Variants in SH3KBP1 observed in about 807,000 individuals in gnomAD.
SH3KBP1 encodes SH3 domain containing kinase binding protein 1.
SH3KBP1 carries 8 observed loss-of-function variants against 50.1 expected under a neutral mutation model. That is an observed-to-expected ratio of 0.16 (90% CI 0.09 to 0.29). SH3KBP1 has a LOEUF of 0.29. SH3KBP1 is among the 10% of genes least tolerant of loss of function. The probability of loss-of-function intolerance (pLI) is 1.00; values close to 1 mark genes in which losing one functional copy is unlikely to be tolerated. For synonymous variants in SH3KBP1, 227 were observed against 218.6 expected (o/e 1.04, Z -0.34); for missense variants, 377 against 535.2 (o/e 0.70, Z 2.92).
intron 2 of SH3KBP1, among the ~76,000 whole-genome samples, chrX:19,827,091 T>C (rs934877723): frequency 2.7e-5 from 3 of 111,442 alleles, no homozygotes; most frequent in Non-Finnish European, 3.8e-5. Context: ...TAAACAAATA[T>C]CAAAATGGGC....
chrX:19,851,495 A>C (rs1040150712), intron 1 of SH3KBP1, among the ~76,000 whole-genome samples: 2 of 112,401 alleles, frequency 1.8e-5, no homozygotes, highest in African/African-American at 6.5e-5. Flanking sequence ...TAGACCCAGG[A>C]CCGGCCTGAT....
chrX:19,719,152 T>C (rs2063990667), intron 3 of SH3KBP1, among the ~76,000 whole-genome samples: 1 of 111,834 alleles, frequency 8.9e-6, no homozygotes, highest in Non-Finnish European at 1.9e-5. Flanking sequence ...GAGTGTCGGT[T>C]GCTGTCTGTC....
At chrX:19,874,021 C>A (rs1376784191) in intron 1 of SH3KBP1, among the ~76,000 whole-genome samples, 7 of 84,024 alleles carry the variant, frequency 8.3e-5, no homozygotes, top group Admixed American at 1.5e-4. Flanking sequence ...TGCACTCCAG[C>A]CGGGGCAACA....
At chrX:19,559,494 A>T (rs2147755954) in intron 13 of SH3KBP1, among the ~76,000 whole-genome samples, 1 of 105,087 alleles carries the variant, frequency 9.5e-6, no homozygotes, top group East Asian at 3.1e-4. Flanking sequence ...ACCCACCTAA[A>T]AGTTTTTTGT....
chrX:19,730,081 G>T (rs1398567901), intron 3 of SH3KBP1, among the ~76,000 whole-genome samples: 1 of 110,772 alleles, frequency 9.0e-6, no homozygotes, highest in Non-Finnish European at 1.9e-5. Flanking sequence ...AAATTACAAA[G>T]GAAGCTAATT....
At chrX:19,664,894 C>T (rs1036844182) in intron 6 of SH3KBP1, among the ~76,000 whole-genome samples, 3 of 112,331 alleles carry the variant, frequency 2.7e-5, no homozygotes, top group African/African-American at 6.5e-5. Flanking sequence ...TGATTAGACA[C>T]GTAAAATATA....
At chrX:19,684,238 G>C (rs1031648310) in intron 5 of SH3KBP1, among the ~76,000 whole-genome samples, 2 of 111,929 alleles carry the variant, frequency 1.8e-5, no homozygotes, top group Non-Finnish European at 3.8e-5. Flanking sequence ...TTTAAGATGT[G>C]AATCAAAACA....
chrX:19,541,590 T>G (rs1051123128), intron 16 of SH3KBP1, among the ~76,000 whole-genome samples: 7 of 112,254 alleles, frequency 6.2e-5, no homozygotes, highest in African/African-American at 2.3e-4. Context: ...TAAGAAGTGG[T>G]TCATGTACAT....
intron 3 of SH3KBP1, among the ~76,000 whole-genome samples, chrX:19,728,276 G>T (rs1171555014): frequency 9.0e-6 from 1 of 111,164 alleles, no homozygotes; most frequent in African/African-American, 3.3e-5. Context: ...TTCTTTAAAC[G>T]TCACGTCAGC....
chrX:19,589,874 C>T (rs890842441), intron 11 of SH3KBP1, among the ~76,000 whole-genome samples: 2 of 109,166 alleles, frequency 1.8e-5, no homozygotes, highest in Non-Finnish European at 3.8e-5. Context: ...AATCTCAGAG[C>T]TTTGGGAGGG....
At chrX:19,673,065 C>CAAAAAA (rs1174045446) in intron 6 of SH3KBP1, among the ~76,000 whole-genome samples, 1 of 37,326 alleles carries the variant, frequency 2.7e-5, no homozygotes, top group Non-Finnish European at 5.1e-5. Context: ...GATTCTGTCT[C>CAAAAAA]AAAAAAAAAA....
At chrX:19,821,722 G>A (rs982621436) in intron 2 of SH3KBP1, among the ~76,000 whole-genome samples, 1 of 110,332 alleles carries the variant, frequency 9.1e-6, no homozygotes, top group Admixed American at 9.6e-5. Context: ...GTAGAGATGG[G>A]GTTTCACCGT....
Position 19,595,270 on chromosome X carries a change from G to A in SH3KBP1, c.1006-270C>T, listed in dbSNP as rs543307243. Reference sequence around the variant, plus strand: ...TTGTAACAGCCTTCTGGAAAAGCACGGCTCAGCAAAAATGGCCTGAAACCA... The same window carrying A: ...TTGTAACAGCCTTCTGGAAAAGCACAGCTCAGCAAAAATGGCCTGAAACCA... On this transcript the variant is annotated intron_variant, in intron 9 of 17. Transcript: ENST00000397821. Among the ~76,000 whole-genome samples, 24 of 112,469 alleles carry A rather than the reference G, an allele frequency of 2.1e-4. No individual in the cohort carries two copies. The South Asian group carries it at 8.5e-3, about 40-fold the overall frequency.
chrX:19,594,214 T>C (rs2066830002), intron 10 of SH3KBP1, among the ~76,000 whole-genome samples: 1 of 112,259 alleles, frequency 8.9e-6, no homozygotes, highest in Non-Finnish European at 1.9e-5. Flanking sequence ...AACTAATAAC[T>C]CATGGAGGAA....
At chrX:19,694,932 A>C in intron 5 of SH3KBP1, 187 of 974,706 alleles carry the variant, frequency 1.9e-4, no homozygotes, top group Middle Eastern at 2.6e-4. Context: ...AGACAGCACA[A>C]GAGATACACA....
chrX:19,649,728 T>C (rs1013752010), intron 6 of SH3KBP1, among the ~76,000 whole-genome samples: 1 of 111,704 alleles, frequency 9.0e-6, no homozygotes, highest in Non-Finnish European at 1.9e-5. Flanking sequence ...GATCCAGTGG[T>C]ACAGCATCAA....
chrX:19,793,840 A>T (rs1430512516), intron 2 of SH3KBP1, among the ~76,000 whole-genome samples: 1 of 111,022 alleles, frequency 9.0e-6, no homozygotes, highest in East Asian at 2.8e-4. Context: ...GTGATCAGAC[A>T]ACATGACCTG....
At chrX:19,833,436 G>A (rs190369907) in intron 2 of SH3KBP1, among the ~76,000 whole-genome samples, 467 of 41,380 alleles carry the variant, frequency 0.011, 4 homozygotes, top group African/African-American at 0.043. Context: ...ACAGTCTTCC[G>A]CCCCTTCCCA....
At chrX:19,617,466 A>T (rs1353434307) in intron 8 of SH3KBP1, among the ~76,000 whole-genome samples, 1 of 112,463 alleles carries the variant, frequency 8.9e-6, no homozygotes, top group African/African-American at 3.2e-5. Flanking sequence ...GAGCTATTTC[A>T]AGGTCTAATT....
Sources: allele counts gnomAD v4.1 joint callset (sites outside exome capture counted in the v4.1 genomes callset), GRCh38; gene constraint gnomAD v4.1.1; transcripts MANE v1.5; gene names NCBI Gene and HGNC (gene_info 2026-07-23, HGNC 2026-07-21).